PCNT: variants seen among roughly 807,000 people sequenced by gnomAD.
PCNT encodes the protein pericentrin.
PCNT carries 319 observed loss-of-function variants against 380.4 expected under a neutral mutation model. The ratio of observed to expected loss-of-function variants is 0.84; its 90% CI spans 0.77 to 0.92. The LOEUF (loss-of-function observed/expected upper bound fraction) is 0.92. Among genes scored for constraint, PCNT ranks in the 40% least tolerant of loss-of-function variants. PCNT has a pLI of 0.00. For synonymous variants in PCNT, 1,845 were observed against 1,735.2 expected (o/e 1.06, Z -1.57); for missense variants, 4,400 against 4,255.3 (o/e 1.03, Z -0.95).
At chr21:46,356,285 G>A (rs973430051) in intron 12 of PCNT, among the ~76,000 whole-genome samples, 3 of 152,230 alleles carry the variant, frequency 2.0e-5, no homozygotes, top group African/African-American at 4.8e-5. Flanking sequence ...ATTCTGGGCT[G>A]TGGCCAAGTT....
At position 46,347,492 on chromosome 21, in the gene PCNT, A is replaced by G; in HGVS notation, c.1012A>G (p.Lys338Glu). ...LKEKLQSEME[K>E]NAQIVKTLKE... is the part of the protein sequence containing the mutation. Reference sequence around the variant, plus strand: ...GGAGAAGTTACAATCAGAAATGGAGAAAAACGCCCAGATAGTAAAGGTACC... The same window carrying G: ...GGAGAAGTTACAATCAGAAATGGAGGAAAACGCCCAGATAGTAAAGGTACC... The change falls in exon 6 of 47, where the codon AAA (lysine) becomes GAA (glutamate). Residue 338 changes from lysine to glutamate, a missense_variant. By Grantham distance (56) the Lys-to-Glu change is moderately conservative. Transcript: ENST00000359568. 1 of 1,614,070 alleles carries G rather than the reference A, an allele frequency of 6.2e-7. No individual in the cohort carries two copies. Among genetic ancestry groups the G allele is most frequent in the Non-Finnish European group, 8.5e-7 (1 of 1,179,986 alleles).
chr21:46,417,765 G>C (rs557330056), intron 30 of PCNT, among the ~76,000 whole-genome samples: 2 of 152,070 alleles, frequency 1.3e-5, no homozygotes, highest in Non-Finnish European at 2.9e-5. Flanking sequence ...TTAGCTGGGC[G>C]TGCTGGTGCC....
At chr21:46,340,383 T>A (rs980210188) in intron 3 of PCNT, among the ~76,000 whole-genome samples, 1 of 152,240 alleles carries the variant, frequency 6.6e-6, no homozygotes, top group Non-Finnish European at 1.5e-5. Flanking sequence ...ACTTTTGTGC[T>A]TGCCTTCTTT....
intron 9 of PCNT, among the ~76,000 whole-genome samples, chr21:46,352,110 A>G (rs1369540654): frequency 6.6e-6 from 1 of 152,236 alleles, no homozygotes; most frequent in East Asian, 1.9e-4. Context: ...GCCAAGCCCA[A>G]TTCAGGCACC....
In PCNT at chr21:46,391,254, T is replaced by A; in HGVS notation, c.4094T>A (p.Leu1365Gln). 1 of 1,603,000 alleles carries A rather than the reference T, an allele frequency of 6.2e-7. No homozygotes were observed. The highest frequency in any genetic ancestry group is 1.3e-5 in the African/African-American group (1 of 74,966). ...TCCGAGCACCGTCTGGTGCTGGAGC[T>A]GGAGAGCCTGAGACGGCAGCTGCAG... Reference protein sequence around the residue: ...EDSEHRLVLELESLRRQLQQA... With the variant: ...EDSEHRLVLEQESLRRQLQQA... Residue 1365 changes from leucine (L) to glutamine (Q), a missense_variant, in exon 21 of 47, where the codon CTG becomes CAG. Transcript: ENST00000359568.
In PCNT at chr21:46,385,758, G is replaced by C. The variant is rs1008620562; in HGVS notation, c.3313-74G>C. 3.3e-6 allele frequency: 5 copies of C among 1,499,036 alleles called. No homozygotes were observed. In the South Asian group the frequency reaches 3.4e-5, roughly 10 times the overall value. 92.9% of individuals were successfully genotyped at this position (1,499,036 alleles called of 1,614,324 possible). ...AGAGACTCTCAAATACTGAAATTGT[G>C]TTGAAAGTCCCTTACAGCCATTTGC... On this transcript the variant is annotated intron_variant, in intron 16 of 46. Transcript: ENST00000359568.
chr21:46,400,639 C>T (rs1485687974), intron 25 of PCNT, among the ~76,000 whole-genome samples: 1 of 150,484 alleles, frequency 6.6e-6, no homozygotes, highest in Non-Finnish European at 1.5e-5. Flanking sequence ...CCTACCTCAG[C>T]TTCCTGAGTA....
intron 29 of PCNT, among the ~76,000 whole-genome samples, chr21:46,414,507 C>T (rs1303098337): frequency 2.7e-5 from 4 of 147,000 alleles, no homozygotes; most frequent in Non-Finnish European, 4.5e-5. Flanking sequence ...TCCTCCTTCT[C>T]GACACACAAC....
chr21:46,394,475 C>T lies in PCNT; in HGVS notation c.4217-2790C>T. On this transcript the variant is annotated intron_variant, in intron 21 of 46. Transcript: ENST00000359568. Reference sequence around the variant, plus strand: ...TCTCAGCTGCACGTTTCTGTTTCCACCTCAGTAAACGCAAACTCTTGTTCA... The same window carrying T: ...TCTCAGCTGCACGTTTCTGTTTCCATCTCAGTAAACGCAAACTCTTGTTCA... 3.1e-6 allele frequency: 3 copies of T among 978,148 alleles called. No homozygotes were observed. In the South Asian group the frequency reaches 1.4e-4, roughly 46 times the overall value. The allele number at this position is 978,148 out of a possible 1,614,324, so 60.6% of individuals were successfully genotyped here.
At position 46,388,830 on chromosome 21, in the gene PCNT, G is replaced by A. The variant is rs920374957; in HGVS notation, c.3553G>A (p.Glu1185Lys). The A allele has an allele frequency of 6.2e-7, 1 of 1,612,322 alleles. No homozygotes were observed. Among genetic ancestry groups the A allele is most frequent in the Middle Eastern group, 1.8e-4 (1 of 5,566 alleles). The change falls in exon 18 of 47, where the codon GAG becomes AAG. Residue 1185 changes from glutamate (E) to lysine (K), a missense_variant. Transcript: ENST00000359568. The surrounding 1 kb of genome is among the most constrained non-coding windows in gnomAD (Gnocchi z 4.2). ...CGTCACCCTGAGGAGCCGGATCGGG[G>A]AGCGCGTGGGGCTCTGCCTGGATGA... is the stretch of plus-strand genomic sequence containing the variant. Reference protein sequence around the residue: ...AAVTLRSRIGERVGLCLDDAG... With the variant: ...AAVTLRSRIGKRVGLCLDDAG...
chr21:46,366,680 G>A lies in PCNT; in HGVS notation c.2706G>A (p.Gln902=). 1 of 1,613,930 alleles carries A rather than the reference G, an allele frequency of 6.2e-7. No individual in the cohort carries two copies. Among genetic ancestry groups the A allele is most frequent in the Middle Eastern group, 1.6e-4 (1 of 6,062 alleles). The change falls in exon 15 of 47, where the codon CAG becomes CAA. Residue 902 remains glutamine (Q), a synonymous_variant. Coordinates refer to ENST00000359568, the MANE Select transcript of PCNT (RefSeq NM_006031.6). ...EAQEQHAREL[Q]LLQERHQQQL... The stretch of plus-strand genomic sequence containing the variant: ...AGGAGCAGCATGCCCGTGAGCTGCA[G>A]CTCCTCCAGGAGAGACACCAGCAGC...
At chr21:46,367,995 AT>A (rs1392534962) in intron 15 of PCNT, among the ~76,000 whole-genome samples, 1 of 152,142 alleles carries the variant, frequency 6.6e-6, no homozygotes, top group Non-Finnish European at 1.5e-5. Flanking sequence ...GGCTACGAAA[AT>A]TAAAAACAAT....
Position 46,411,820 on chromosome 21 carries a change from C to T in PCNT, c.5747C>T (p.Pro1916Leu), listed in dbSNP as rs757231173. 1.9e-6 allele frequency: 3 copies of T among 1,576,562 alleles called. No individual in the cohort carries two copies. Among genetic ancestry groups the T allele is most frequent in the Non-Finnish European group, 1.7e-6 (2 of 1,166,134 alleles). Residue 1916 changes from proline (P) to leucine (L), a missense_variant, in exon 28 of 47, where the codon CCT (proline) becomes CTT (leucine). Coordinates refer to ENST00000359568, the MANE Select transcript of PCNT (RefSeq NM_006031.6). ...EQQPLAAGAA[P>L]PELQWLRAQC... Reference sequence around the variant, plus strand: ...CAGCCCCTGGCAGCCGGGGCGGCGCCTCCCGAGCTGCAGTGGCTCCGAGCG... The same window carrying T: ...CAGCCCCTGGCAGCCGGGGCGGCGCTTCCCGAGCTGCAGTGGCTCCGAGCG...
chr21:46,346,101 C>G, intron 3 of PCNT, 27 bp from the exon 4 acceptor site: 1 of 1,605,052 alleles, frequency 6.2e-7, no homozygotes, highest in East Asian at 2.2e-5. Flanking sequence ...GAATTCTGGA[C>G]CTACATTCTT....
intron 25 of PCNT, among the ~76,000 whole-genome samples, chr21:46,401,154 G>C (rs760181396): frequency 1.3e-5 from 2 of 152,154 alleles, no homozygotes; most frequent in Non-Finnish European, 2.9e-5. Flanking sequence ...GACCATTTTC[G>C]TCATATTAAA....
chr21:46,326,634 A>G, intron 2 of PCNT, 45 bp downstream of exon 2: 2 of 1,550,152 alleles, frequency 1.3e-6, no homozygotes, highest in South Asian at 1.1e-5. Context: ...CTTATCTTCT[A>G]GTGATTTCTA....
At chr21:46,372,077 G>C (rs985466702) in intron 15 of PCNT, among the ~76,000 whole-genome samples, 1 of 144,850 alleles carries the variant, frequency 6.9e-6, no homozygotes, top group Non-Finnish European at 1.5e-5. Context: ...CATGCACACA[G>C]CACATGCGCA....
intron 24 of PCNT, among the ~76,000 whole-genome samples, chr21:46,399,281 GTT>G (rs879822981): frequency 0.18 from 12,423 of 69,504 alleles, 29 homozygotes; most frequent in African/African-American, 0.25. Context: ...CTGGGTCTCT[GTT>G]CAGCCTGTGA....
In PCNT at chr21:46,348,789, A is replaced by AT. The variant is rs893789309; in HGVS notation, c.1033-212dup. 1.4e-3 allele frequency among the ~76,000 whole-genome samples: 202 copies of AT among 143,662 alleles called. 1 individual carries two copies. Among genetic ancestry groups the AT allele is most frequent in the East Asian group, 1.8e-3 (9 of 4,892 alleles). 94.2% of individuals were successfully genotyped at this position (143,662 alleles called of 152,430 possible). On this transcript the variant is annotated intron_variant, in intron 6 of 46. Transcript: ENST00000359568. ...GCCACCACATCCCACTAATTTTTGT[A>AT]TTTTTTTTTTTGTAGAGATGGGGTC...
Sources: allele counts gnomAD v4.1 joint callset (sites outside exome capture counted in the v4.1 genomes callset), GRCh38; gene constraint gnomAD v4.1.1; non-coding constraint Gnocchi (gnomAD v3.1); transcripts MANE v1.5; gene names NCBI Gene and HGNC (gene_info 2026-07-23, HGNC 2026-07-21).